Variants in TRA2A observed in about 807,000 individuals in gnomAD.
TRA2A encodes the protein transformer 2 alpha homolog.
A neutral mutation model predicts 45.7 loss-of-function variants in TRA2A; 31 were observed. The ratio of observed to expected loss-of-function variants is 0.68; its 90% CI spans 0.51 to 0.92. The LOEUF (loss-of-function observed/expected upper bound fraction) is 0.92, where lower values mean the gene tolerates loss of function less well. Ranked by LOEUF, TRA2A falls within the 40% of genes least tolerant of loss-of-function variation. The probability of loss-of-function intolerance (pLI) is 0.00; values close to 1 mark genes in which losing one functional copy is unlikely to be tolerated. For missense variants in TRA2A, 304 were observed against 367.5 expected (o/e 0.83, Z 1.41); for synonymous variants, 132 against 126.2 (o/e 1.05, Z -0.31).
chr7:23,505,522 AGGAAAAAAAATGTCCTTAATTG>A lies in TRA2A; in HGVS notation c.*15_*36del, dbSNP rs1789279232. The A allele has an allele frequency of 2.2e-6, 1 of 454,514 alleles. No individual in the cohort carries two copies. The highest frequency in any genetic ancestry group is 3.9e-6 in the Non-Finnish European group (1 of 257,042). 28.2% of individuals were successfully genotyped at this position (454,514 alleles called of 1,614,324 possible). A position where few individuals can be genotyped will look rare whatever the true frequency, so the allele number is the denominator to read the frequency against. ...AATTAAAAAAAAAAAAAAAAAAAAGAGGAAAAAAAATGTCCTTAATTGCAACCATTCCGTTATCAATAGCGTC... is the reference window on the plus strand; with the variant it reads ...AATTAAAAAAAAAAAAAAAAAAAAGACAACCATTCCGTTATCAATAGCGTC... On this transcript the variant is annotated 3_prime_UTR_variant, in exon 8 of 8. Coordinates refer to ENST00000297071, the MANE Select transcript of TRA2A (RefSeq NM_013293.5).
rs182708398 is a variant in TRA2A at position 23,506,943 on chromosome 7, T to C, written c.641+477A>G. ...GGTGCCTGCCACCATGCCCAGCCAATTTTTTGTATTTTTAGTAGAGACGGG... is the reference window on the plus strand; with the variant it reads ...GGTGCCTGCCACCATGCCCAGCCAACTTTTTGTATTTTTAGTAGAGACGGG... On this transcript the variant is annotated intron_variant, in intron 5 of 7. Coordinates refer to ENST00000297071, the MANE Select transcript of TRA2A (RefSeq NM_013293.5). Among the ~76,000 whole-genome samples the C allele has an allele frequency of 9.5e-4, 145 of 152,018 alleles. No individual in the cohort carries two copies. The East Asian group carries it at 0.015, about 15-fold the overall frequency.
intron 2 of TRA2A, among the ~76,000 whole-genome samples, chr7:23,519,338 G>T (rs1454886053): frequency 6.6e-6 from 1 of 152,180 alleles, no homozygotes; most frequent in Non-Finnish European, 1.5e-5. Flanking sequence ...ACATTGCAGT[G>T]AGGCCACTGT....
chr7:23,516,302 T>A, intron 3 of TRA2A, 61 bp downstream of exon 3: 1 of 1,569,396 alleles, frequency 6.4e-7, no homozygotes, highest in Non-Finnish European at 8.7e-7. Flanking sequence ...AAGCAAGATA[T>A]GCCATGACTA....
At chr7:23,526,785 C>G (rs567310804) in intron 1 of TRA2A, among the ~76,000 whole-genome samples, 1 of 152,214 alleles carries the variant, frequency 6.6e-6, no homozygotes, top group East Asian at 1.9e-4. Flanking sequence ...TGCAGCATGC[C>G]TATATGCTGC....
chr7:23,527,011 C>T (rs1790366903), intron 1 of TRA2A, among the ~76,000 whole-genome samples: 1 of 152,068 alleles, frequency 6.6e-6, no homozygotes, highest in Non-Finnish European at 1.5e-5. Context: ...TCATAAGTCT[C>T]ATAGCTTATA....
rs376791878 is a variant in TRA2A, at chr7:23,521,726, G to A, written c.151C>T (p.Arg51Ter). The A allele has an allele frequency of 3.7e-6, 6 of 1,613,886 alleles. No individual in the cohort carries two copies. The highest frequency in any genetic ancestry group is 1.7e-5 in the Admixed American group (1 of 59,974). Residue 51 changes from arginine to a stop codon, truncating the protein, a stop_gained, in exon 2 of 8, where the codon CGA becomes TGA. Transcript: ENST00000297071. LOFTEE classifies it high-confidence loss of function. The part of the protein sequence containing the change: ...RVSKHSESHS[R>*]SRSKSRSRSR... ...ACTTACCTGGATTTTGATCTTGATCGAGAATGGGATTCAGAGTGTTTGGAA... is the reference window on the plus strand; with the variant it reads ...ACTTACCTGGATTTTGATCTTGATCAAGAATGGGATTCAGAGTGTTTGGAA...
intron 2 of TRA2A, among the ~76,000 whole-genome samples, chr7:23,518,135 C>T (rs1261274992): frequency 1.3e-5 from 2 of 151,866 alleles, no homozygotes; most frequent in African/African-American, 4.8e-5. Context: ...GACAGGGTTT[C>T]GCCATGTTGC....
intron 4 of TRA2A, among the ~76,000 whole-genome samples, chr7:23,509,461 C>T (rs1318823515): frequency 3.3e-5 from 5 of 152,208 alleles, no homozygotes; most frequent in East Asian, 3.9e-4. Context: ...TTAGGCTGGG[C>T]GCGATGGCTC....
rs542752899 is a variant in TRA2A, at chr7:23,507,144, GAGAA to G, written c.641+272_641+275del. 3.1e-3 allele frequency: 1,130 copies of G among 360,068 alleles called. 3 individuals are homozygous for G. The highest frequency in any genetic ancestry group is 9.4e-3 in the Middle Eastern group (12 of 1,272). 22.3% of individuals were successfully genotyped at this position (360,068 alleles called of 1,614,324 possible). On this transcript the variant is annotated intron_variant, in intron 5 of 7. Coordinates refer to ENST00000297071, the MANE Select transcript of TRA2A (RefSeq NM_013293.5). ...CCTACTTATGTTTTTTTTCTTTTTT[GAGAA>G]AGAGTCTCACTCTGTTGCCCAGGCT... is the stretch of plus-strand genomic sequence containing the variant.
intron 1 of TRA2A, among the ~76,000 whole-genome samples, chr7:23,530,186 T>C (rs977842981): frequency 6.6e-6 from 1 of 152,208 alleles, no homozygotes; most frequent in African/African-American, 2.4e-5. Flanking sequence ...CTATCATATA[T>C]GTTTATCGCA....
chr7:23,509,122 C>A (rs1789477261), intron 4 of TRA2A, among the ~76,000 whole-genome samples: 1 of 152,114 alleles, frequency 6.6e-6, no homozygotes, highest in African/African-American at 2.4e-5. Flanking sequence ...GAGGCATGAG[C>A]CACCACACCC....
chr7:23,517,646 G>C (rs903626130), intron 2 of TRA2A, among the ~76,000 whole-genome samples: 2 of 150,702 alleles, frequency 1.3e-5, no homozygotes, highest in Non-Finnish European at 3.0e-5. Context: ...GGGCGCAGTG[G>C]CTCATGCCTG....
intron 1 of TRA2A, among the ~76,000 whole-genome samples, chr7:23,529,784 G>C (rs940578267): frequency 1.3e-5 from 2 of 151,832 alleles, no homozygotes; most frequent in African/African-American, 4.8e-5. Flanking sequence ...GGCCGTAAGA[G>C]GGCCCTTTAT....
intron 4 of TRA2A, among the ~76,000 whole-genome samples, chr7:23,511,399 AAAAAAAAAAAAGAAAAGAAAAG>A (rs1789607820): frequency 7.0e-5 from 3 of 42,926 alleles, no homozygotes; most frequent in African/African-American, 4.0e-4. Context: ...AAAAAAAAAA[AAAAAAAAAAAAGAAAAGAAAAG>A]AAAAGAAAAA....
At chr7:23,506,720 A>G (rs1341141992) in intron 5 of TRA2A, among the ~76,000 whole-genome samples, 1 of 152,214 alleles carries the variant, frequency 6.6e-6, no homozygotes, top group African/African-American at 2.4e-5. Context: ...AGGAATGACT[A>G]TATTCCTTCT....
chr7:23,512,314 C>A (rs1198905962), intron 4 of TRA2A, among the ~76,000 whole-genome samples: 1 of 152,116 alleles, frequency 6.6e-6, no homozygotes, highest in Non-Finnish European at 1.5e-5. Context: ...CATAGTGAGA[C>A]CTCATCTCTA....
rs1032128485 is a variant in TRA2A, at chr7:23,531,851, A to G, written c.-27T>C. 9.9e-6 allele frequency: 16 copies of G among 1,613,388 alleles called. No individual in the cohort carries two copies. Among genetic ancestry groups the G allele is most frequent in the South Asian group, 2.2e-5 (2 of 91,090 alleles). On this transcript the variant is annotated 5_prime_UTR_variant, in exon 1 of 8. Coordinates refer to ENST00000297071, the MANE Select transcript of TRA2A (RefSeq NM_013293.5). ...TCGACGAGGCGCTCCCCAGAACTAA[A>G]TAAGAGACAAGTCTCGGCTCGAGGG...
chr7:23,530,183 A>G (rs1274439478), intron 1 of TRA2A, among the ~76,000 whole-genome samples: 1 of 152,184 alleles, frequency 6.6e-6, no homozygotes, highest in African/African-American at 2.4e-5. Flanking sequence ...CTACTATCAT[A>G]TATGTTTATC....
Position 23,512,826 on chromosome 7 carries a change from A to G in TRA2A, c.525+68T>C, listed in dbSNP as rs966376157. 4.2e-6 allele frequency: 5 copies of G among 1,187,432 alleles called. No homozygotes were observed. In the African/African-American group the frequency reaches 4.7e-5, roughly 11 times the overall value. 73.6% of individuals were successfully genotyped at this position (1,187,432 alleles called of 1,614,324 possible). The stretch of plus-strand genomic sequence containing the variant: ...AAAAAAGGATGCAATGTTTACAGAA[A>G]TAAGTCTATTAATCAACTTTTCACA... On this transcript the variant is annotated intron_variant, in intron 4 of 7. Coordinates refer to ENST00000297071, the MANE Select transcript of TRA2A (RefSeq NM_013293.5).
Sources: allele counts gnomAD v4.1 joint callset (sites outside exome capture counted in the v4.1 genomes callset), GRCh38; gene constraint gnomAD v4.1.1; transcripts MANE v1.5; gene names NCBI Gene and HGNC (gene_info 2026-07-23, HGNC 2026-07-21).